RIPPLY3: variants seen among roughly 807,000 people sequenced by gnomAD.
RIPPLY3 encodes ripply transcriptional repressor 3.
In RIPPLY3, 8 loss-of-function variants were observed where a neutral mutation model predicts 11.9. The observed-to-expected ratio is 0.67, with a 90% CI of 0.40 to 1.21. The LOEUF (loss-of-function observed/expected upper bound fraction) is 1.21, where lower values mean the gene tolerates loss of function less well. Among genes scored for constraint, RIPPLY3 ranks in the 50% most tolerant of loss-of-function variants. RIPPLY3 has a pLI of 0.01. For missense variants in RIPPLY3, 271 were observed against 246.0 expected (o/e 1.10, Z -0.68); for synonymous variants, 102 against 99.0 (o/e 1.03, Z -0.18).
At chr21:37,012,488 A>T (rs1032716337) in intron 2 of RIPPLY3, among the ~76,000 whole-genome samples, 6 of 152,048 alleles carry the variant, frequency 3.9e-5, no homozygotes, top group Middle Eastern at 6.8e-3. Context: ...TGATCTGCCC[A>T]CTTGGGCCTC....
chr21:37,019,235 G>A lies in RIPPLY3; in HGVS notation c.*1028G>A, dbSNP rs1219756956. 1.5e-5 allele frequency: 2 copies of A among 131,400 alleles called. No homozygotes were observed. The highest frequency in any genetic ancestry group is 3.1e-5 in the Non-Finnish European group (2 of 65,118). The allele number at this position is 131,400 out of a possible 1,614,324, so 8.1% of individuals were successfully genotyped here. Reference sequence around the variant, plus strand: ...GTCGAGATCGCACCATTGCATTCCAGCCTGGGCAACAAGAGCGAAACTCCG... The same window carrying A: ...GTCGAGATCGCACCATTGCATTCCAACCTGGGCAACAAGAGCGAAACTCCG... On this transcript the variant is annotated 3_prime_UTR_variant, in exon 4 of 4. Transcript: ENST00000329553.
intron 1 of RIPPLY3, 63 bp from the exon 2 acceptor site, chr21:37,008,094 G>T: frequency 6.4e-7 from 1 of 1,551,990 alleles, no homozygotes; most frequent in Non-Finnish European, 8.9e-7. Context: ...TAGCTCTCAT[G>T]GCATAGTTTG....
intron 1 of RIPPLY3, 145 bp downstream of exon 1, chr21:37,007,021 C>T (rs10432862): frequency 0.24 from 105,990 of 448,072 alleles, 13,881 homozygotes; most frequent in South Asian, 0.34. Context: ...GCCAAGCAAG[C>T]TCCTGAGCCG....
At chr21:37,008,565 C>G (rs1395077412) in intron 2 of RIPPLY3, among the ~76,000 whole-genome samples, 2 of 151,978 alleles carry the variant, frequency 1.3e-5, no homozygotes, top group Non-Finnish European at 2.9e-5. Flanking sequence ...CGTGACCAGC[C>G]TGGCCAAGAT....
rs555332587 is a variant in RIPPLY3 at position 37,012,822 on chromosome 21, C to T, written c.172-729C>T. On this transcript the variant is annotated intron_variant, in intron 2 of 3. Transcript: ENST00000329553. Reference sequence around the variant, plus strand: ...CTCACTTGTTCCACACAAGGCTCCTCATGGCTCCCCACTTGCACCCCCTGT... The same window carrying T: ...CTCACTTGTTCCACACAAGGCTCCTTATGGCTCCCCACTTGCACCCCCTGT... 5.9e-5 allele frequency among the ~76,000 whole-genome samples: 9 copies of T among 151,604 alleles called. No homozygotes were observed. In the South Asian group the frequency reaches 1.9e-3, roughly 32 times the overall value.
At chr21:37,011,929 C>CAA (rs59382996) in intron 2 of RIPPLY3, among the ~76,000 whole-genome samples, 886 of 47,074 alleles carry the variant, frequency 0.019, 66 homozygotes, top group African/African-American at 0.025. Flanking sequence ...GACTCCGTCT[C>CAA]AAAAAAAAAA....
chr21:37,014,483 CA>C (rs1297963920), intron 3 of RIPPLY3, among the ~76,000 whole-genome samples: 1 of 152,138 alleles, frequency 6.6e-6, no homozygotes, highest in Non-Finnish European at 1.5e-5. Flanking sequence ...CCATTTTAGA[CA>C]AGTGGCTCAC....
chr21:37,013,337 C>G (rs1349537594), intron 2 of RIPPLY3, among the ~76,000 whole-genome samples: 3 of 152,190 alleles, frequency 2.0e-5, no homozygotes, highest in African/African-American at 7.2e-5. Context: ...TGTCCAACTC[C>G]TTCCATCTGA....
At chr21:37,016,824 C>T (rs2069583663) in intron 3 of RIPPLY3, among the ~76,000 whole-genome samples, 1 of 151,894 alleles carries the variant, frequency 6.6e-6, no homozygotes, top group Non-Finnish European at 1.5e-5. Flanking sequence ...GAATGAGACC[C>T]TTTCTCAAAA....
upstream of RIPPLY3, chr21:37,006,381 C>T: frequency 6.1e-6 from 1 of 165,056 alleles, no homozygotes; most frequent in Non-Finnish European, 1.3e-5. This position sits in a 1 kb window ranked among gnomAD's most constrained non-coding sequence, Gnocchi z 5.2. Flanking sequence ...GTACCTCCAT[C>T]CTCTGGTCAC....
Position 37,018,131 on chromosome 21 carries a change from G to C in RIPPLY3, c.497G>C (p.Gly166Ala). The C allele has an allele frequency of 6.2e-7, 1 of 1,614,054 alleles. No individual in the cohort carries two copies. The highest frequency in any genetic ancestry group is 1.1e-5 in the South Asian group (1 of 91,078). ...GINQGQRSSG[G>A]GDHWGEGPLP... The stretch of plus-strand genomic sequence containing the variant: ...AACCAAGGGCAGCGATCCTCAGGAG[G>C]GGGTGACCACTGGGGGGAGGGTCCG... Residue 166 changes from glycine to alanine, a missense_variant, in exon 4 of 4, where the codon GGG becomes GCG. Physicochemically the swap from Gly to Ala is moderately conservative, Grantham distance 60. Coordinates refer to ENST00000329553, the MANE Select transcript of RIPPLY3 (RefSeq NM_018962.3).
At chr21:37,010,271 C>G (rs567100152) in intron 2 of RIPPLY3, among the ~76,000 whole-genome samples, 1 of 152,104 alleles carries the variant, frequency 6.6e-6, no homozygotes, top group Non-Finnish European at 1.5e-5. Flanking sequence ...GCGGTCGGAT[C>G]ATCTGAGGTC....
chr21:37,006,967 C>T lies in RIPPLY3; in HGVS notation c.104+91C>T. On this transcript the variant is annotated intron_variant, in intron 1 of 3. Transcript: ENST00000329553. This position sits in a 1 kb window ranked among gnomAD's most constrained non-coding sequence, Gnocchi z 5.2. ...CAGCGAGCGGGAGGCTGGGGCGCTG[C>T]TGAACCCCCGATCCCCAGCGGAGCT... 1.3e-6 allele frequency: 1 copy of T among 747,172 alleles called. No individual in the cohort carries two copies. Among genetic ancestry groups the T allele is most frequent in the Non-Finnish European group, 1.8e-6 (1 of 554,900 alleles). The allele number at this position is 747,172 out of a possible 1,614,324, so 46.3% of individuals were successfully genotyped here. A position where few individuals can be genotyped will look rare whatever the true frequency, so the allele number is the denominator to read the frequency against.
In RIPPLY3 at chr21:37,006,800, C is replaced by G. The variant is rs925641455; in HGVS notation, c.28C>G (p.Arg10Gly). The change falls in exon 1 of 4, where the codon CGG (arginine) becomes GGG (glycine). Residue 10 changes from arginine (R) to glycine (G), a missense_variant. Transcript: ENST00000329553. The surrounding 1 kb of genome is among the most constrained non-coding windows in gnomAD (Gnocchi z 5.2). The stretch of plus-strand genomic sequence containing the variant: ...GGAGCCCGAAGCGGCGGCCGGAGCC[C>G]GGAAGGCGCGGGGGCGCGGCTGTCA... MEPEAAAGARKARGRGCHCP... is the reference protein window; with the variant it reads MEPEAAAGAGKARGRGCHCP... 1.1e-5 allele frequency: 13 copies of G among 1,232,772 alleles called. No homozygotes were observed. In the African/African-American group the frequency reaches 1.9e-4, roughly 18 times the overall value. 76.4% of individuals were successfully genotyped at this position (1,232,772 alleles called of 1,614,324 possible). A position where few individuals can be genotyped will look rare whatever the true frequency, so the allele number is the denominator to read the frequency against.
In RIPPLY3 at chr21:37,007,015, A is replaced by T. The variant is rs967278148; in HGVS notation, c.104+139A>T. 1.7e-5 allele frequency: 8 copies of T among 478,856 alleles called. No homozygotes were observed. The Admixed American group carries it at 3.7e-4, about 22-fold the overall frequency. The allele number at this position is 478,856 out of a possible 1,614,324, so 29.7% of individuals were successfully genotyped here. ...GCTCCGGAGCTCGACGGCGACGCCA[A>T]GCAAGCTCCTGAGCCGGCAGCCGGG... On this transcript the variant is annotated intron_variant, in intron 1 of 3. Transcript: ENST00000329553.
rs1601095034 is a variant in RIPPLY3, at chr21:37,009,119, G to C, written c.171+896G>C. 2.0e-5 allele frequency among the ~76,000 whole-genome samples: 3 copies of C among 152,104 alleles called. No individual in the cohort carries two copies. In the East Asian group the frequency reaches 5.8e-4, roughly 29 times the overall value. On this transcript the variant is annotated intron_variant, in intron 2 of 3. Transcript: ENST00000329553. ...GATTAATGACCTCCACCATTCTTTT[G>C]TTACTCTGCATTGGTAACTCAGTTG...
Position 37,018,217 on chromosome 21 carries a change from T to G in RIPPLY3, c.*10T>G. 1 of 1,607,720 alleles carries G rather than the reference T, an allele frequency of 6.2e-7. No individual in the cohort carries two copies. Among genetic ancestry groups the G allele is most frequent in the Non-Finnish European group, 8.5e-7 (1 of 1,174,676 alleles). ...CTCCTCATCCAAATGAATCAGTCTCTGTCTCCTGGGCCCTGCTCTGGGACC... is the reference window on the plus strand; with the variant it reads ...CTCCTCATCCAAATGAATCAGTCTCGGTCTCCTGGGCCCTGCTCTGGGACC... On this transcript the variant is annotated 3_prime_UTR_variant, in exon 4 of 4. Coordinates refer to ENST00000329553, the MANE Select transcript of RIPPLY3 (RefSeq NM_018962.3).
intron 3 of RIPPLY3, among the ~76,000 whole-genome samples, chr21:37,015,642 A>G (rs1476711063): frequency 1.3e-5 from 2 of 152,220 alleles, no homozygotes; most frequent in Non-Finnish European, 2.9e-5. Flanking sequence ...ACCGGCCTCA[A>G]TAGTTATCAA....
In RIPPLY3 at chr21:37,013,547, A is replaced by G. The variant is rs1158469206; in HGVS notation, c.172-4A>G. The G allele has an allele frequency of 1.9e-6, 3 of 1,613,190 alleles. No individual in the cohort carries two copies. The highest frequency in any genetic ancestry group is 2.2e-5 in the South Asian group (2 of 90,966). On this transcript the variant is annotated splice_region_variant and splice_polypyrimidine_tract_variant and intron_variant, in intron 2 of 3. Coordinates refer to ENST00000329553, the MANE Select transcript of RIPPLY3 (RefSeq NM_018962.3). ...TCTGTGTTTGTATGTGTCTGTCGTT[A>G]CAGCTTGAACCTAGGGCTGACCAAC...
Sources: allele counts gnomAD v4.1 joint callset (sites outside exome capture counted in the v4.1 genomes callset), GRCh38; gene constraint gnomAD v4.1.1; non-coding constraint Gnocchi (gnomAD v3.1); transcripts MANE v1.5; gene names NCBI Gene and HGNC (gene_info 2026-07-23, HGNC 2026-07-21).